The following HS6ST3 variants were observed in gnomAD, a reference collection of about 807,000 sequenced individuals.
The protein encoded by HS6ST3 is heparan-sulfate 6-O-sulfotransferase 3.
HS6ST3 carries 12 observed loss-of-function variants against 36.7 expected under a neutral mutation model. The ratio of observed to expected loss-of-function variants is 0.33; its 90% CI spans 0.21 to 0.53. The LOEUF (loss-of-function observed/expected upper bound fraction) is 0.53. Ranked by LOEUF, HS6ST3 falls within the 20% of genes least tolerant of loss-of-function variation. The pLI, the probability that HS6ST3 is intolerant of heterozygous loss-of-function variation, is 0.95. For synonymous variants in HS6ST3, 240 were observed against 257.5 expected, an observed-to-expected ratio of 0.93 and a Z score of 0.65; for missense variants, 584 against 640.9, an observed-to-expected ratio of 0.91 and a Z score of 0.96.
chr13:96,833,363 A>G lies in HS6ST3; in HGVS notation c.*165A>G. On this transcript the variant is annotated 3_prime_UTR_variant, in exon 2 of 2. Coordinates refer to ENST00000376705, the MANE Select transcript of HS6ST3 (RefSeq NM_153456.4). ...CTTCATTTTTATCCAGCTGGAGATT[A>G]TCCGTCTTGTTCTTTTTTTTCTTGA... 1 of 617,806 alleles carries G rather than the reference A, an allele frequency of 1.6e-6. No individual in the cohort carries two copies. The highest frequency in any genetic ancestry group is 2.7e-6 in the Non-Finnish European group (1 of 365,858). 38.3% of individuals were successfully genotyped at this position (617,806 alleles called of 1,614,324 possible).
intron 1 of HS6ST3, among the ~76,000 whole-genome samples, chr13:96,166,759 G>T (rs970576430): frequency 5.3e-5 from 8 of 151,806 alleles, no homozygotes; most frequent in African/African-American, 7.3e-5. Flanking sequence ...ATATGGTTTG[G>T]CTGTGTCCCC....
At chr13:96,452,218 G>A (rs768981194) in intron 1 of HS6ST3, among the ~76,000 whole-genome samples, 1 of 152,028 alleles carries the variant, frequency 6.6e-6, no homozygotes, top group Non-Finnish European at 1.5e-5. Context: ...ACATCTATAT[G>A]GTAAACCTGT....
chr13:96,113,135 T>C (rs2139301487), intron 1 of HS6ST3, among the ~76,000 whole-genome samples: 1 of 152,242 alleles, frequency 6.6e-6, no homozygotes, highest in Non-Finnish European at 1.5e-5. Context: ...CTGTTTATGC[T>C]CAGGGCTTAA....
intron 1 of HS6ST3, among the ~76,000 whole-genome samples, chr13:96,384,026 G>A (rs760697899): frequency 6.6e-5 from 10 of 152,270 alleles, no homozygotes; most frequent in Non-Finnish European, 1.2e-4. Flanking sequence ...TCCCAGGGGC[G>A]CTTGGAGCAC....
chr13:96,325,855 G>C (rs1245597703), intron 1 of HS6ST3, among the ~76,000 whole-genome samples: 2 of 152,184 alleles, frequency 1.3e-5, no homozygotes, highest in Non-Finnish European at 2.9e-5. Flanking sequence ...TTAGTAAGTA[G>C]TGGTTTTGTG....
chr13:96,571,369 G>C (rs547030499), intron 1 of HS6ST3, among the ~76,000 whole-genome samples: 30 of 152,248 alleles, frequency 2.0e-4, no homozygotes, highest in Non-Finnish European at 4.0e-4. Flanking sequence ...ACTTCAAACT[G>C]AGCACTATTT....
chr13:96,202,661 C>G lies in HS6ST3; in HGVS notation c.707+111092C>G, dbSNP rs145759313. 2.6e-3 allele frequency among the ~76,000 whole-genome samples: 393 copies of G among 152,316 alleles called. 3 individuals are homozygous for G. Among genetic ancestry groups the G allele is most frequent in the African/African-American group, 8.4e-3 (349 of 41,578 alleles). On this transcript the variant is annotated intron_variant, in intron 1 of 1. Coordinates refer to ENST00000376705, the MANE Select transcript of HS6ST3 (RefSeq NM_153456.4). ...ATTTATGTTCGTTTCTCTCCATCAT[C>G]TTGACCATCCCAAGAGCTCTCAAGG...
At chr13:96,205,511 A>G (rs2054365416) in intron 1 of HS6ST3, among the ~76,000 whole-genome samples, 1 of 152,186 alleles carries the variant, frequency 6.6e-6, no homozygotes, top group African/African-American at 2.4e-5. Context: ...AAAACTTGGC[A>G]GAGATACAAC....
At chr13:96,316,247 C>T (rs1224387231) in intron 1 of HS6ST3, among the ~76,000 whole-genome samples, 2 of 145,960 alleles carry the variant, frequency 1.4e-5, no homozygotes, top group Non-Finnish European at 3.0e-5. Flanking sequence ...TACACATGCA[C>T]TACATACACC....
At position 96,834,930 on chromosome 13, in the gene HS6ST3, G is replaced by T. The variant is rs894794215; in HGVS notation, c.*1732G>T. On this transcript the variant is annotated 3_prime_UTR_variant, in exon 2 of 2. Coordinates refer to ENST00000376705, the MANE Select transcript of HS6ST3 (RefSeq NM_153456.4). ...GGTGCAAGGGAAGGCATTATCGGGTGGCTCCCTTGCTCCAGGAACTGAACG... is the reference window on the plus strand; with the variant it reads ...GGTGCAAGGGAAGGCATTATCGGGTTGCTCCCTTGCTCCAGGAACTGAACG... 2 of 152,508 alleles carry T rather than the reference G, an allele frequency of 1.3e-5. No individual in the cohort carries two copies. The highest frequency in any genetic ancestry group is 4.8e-5 in the African/African-American group (2 of 41,396). The allele number at this position is 152,508 out of a possible 1,614,324, so 9.4% of individuals were successfully genotyped here. A position where few individuals can be genotyped will look rare whatever the true frequency, so the allele number is the denominator to read the frequency against.
At chr13:96,165,460 C>T (rs1403010313) in intron 1 of HS6ST3, among the ~76,000 whole-genome samples, 1 of 152,174 alleles carries the variant, frequency 6.6e-6, no homozygotes, top group East Asian at 1.9e-4. Flanking sequence ...TTCTCTTTTG[C>T]AGTGCCAAAT....
chr13:96,665,779 A>G (rs1223442964), intron 1 of HS6ST3, among the ~76,000 whole-genome samples: 1 of 152,162 alleles, frequency 6.6e-6, no homozygotes, highest in Non-Finnish European at 1.5e-5. Context: ...GACTCTTATT[A>G]TCCTACAGGA....
chr13:96,437,856 G>A (rs553827122), intron 1 of HS6ST3, among the ~76,000 whole-genome samples: 1 of 152,038 alleles, frequency 6.6e-6, no homozygotes, highest in South Asian at 2.1e-4. Flanking sequence ...ACCCAACTGG[G>A]GATACTCTTC....
chr13:96,795,937 C>T (rs530254880), intron 1 of HS6ST3, among the ~76,000 whole-genome samples: 2 of 152,188 alleles, frequency 1.3e-5, no homozygotes, highest in South Asian at 4.1e-4. Flanking sequence ...CCAGATGTGG[C>T]CTTGGTTTCC....
intron 1 of HS6ST3, among the ~76,000 whole-genome samples, chr13:96,498,999 A>C (rs148719265): frequency 1.9e-3 from 283 of 151,982 alleles, no homozygotes; most frequent in African/African-American, 6.6e-3. Context: ...TTCGTGACAA[A>C]GGGAATTAAA....
chr13:96,824,566 A>G (rs1878610619), intron 1 of HS6ST3, among the ~76,000 whole-genome samples: 1 of 152,216 alleles, frequency 6.6e-6, no homozygotes, highest in African/African-American at 2.4e-5. Context: ...TGCAGGGCAG[A>G]CAATACTCTA....
At chr13:96,771,737 C>T (rs1459108151) in intron 1 of HS6ST3, among the ~76,000 whole-genome samples, 1 of 152,186 alleles carries the variant, frequency 6.6e-6, no homozygotes, top group Non-Finnish European at 1.5e-5. Context: ...CCTGACATGA[C>T]TGCTTTTGAT....
At chr13:96,362,021 G>A (rs886908301) in intron 1 of HS6ST3, among the ~76,000 whole-genome samples, 3 of 152,148 alleles carry the variant, frequency 2.0e-5, no homozygotes, top group Non-Finnish European at 2.9e-5. Flanking sequence ...AGCCCTCCCC[G>A]TGATCCTGAT....
chr13:96,264,732 G>A lies in HS6ST3; in HGVS notation c.707+173163G>A, dbSNP rs2139384987. Reference sequence around the variant, plus strand: ...ATCTGGGGAGATGAGAGGTTTTGCAGCTCTCCAAAGCAATCCAGTGTCACC... The same window carrying A: ...ATCTGGGGAGATGAGAGGTTTTGCAACTCTCCAAAGCAATCCAGTGTCACC... On this transcript the variant is annotated intron_variant, in intron 1 of 1. Transcript: ENST00000376705. Among the ~76,000 whole-genome samples the A allele has an allele frequency of 2.0e-5, 3 of 152,284 alleles. No homozygotes were observed. The South Asian group carries it at 6.2e-4, about 32-fold the overall frequency.
Sources: allele counts gnomAD v4.1 joint callset (sites outside exome capture counted in the v4.1 genomes callset), GRCh38; gene constraint gnomAD v4.1.1; transcripts MANE v1.5; gene names NCBI Gene and HGNC (gene_info 2026-07-23, HGNC 2026-07-21).